Variants in STK39 observed in about 807,000 individuals in gnomAD.
STK39 encodes the protein serine/threonine kinase 39.
A neutral mutation model predicts 77.8 loss-of-function variants in STK39; 20 were observed. The observed-to-expected ratio is 0.26, with a 90% CI of 0.18 to 0.37. The LOEUF (loss-of-function observed/expected upper bound fraction) is 0.37. Among genes scored for constraint, STK39 ranks in the 10% least tolerant of loss-of-function variants. The pLI is 1.00. For missense variants in STK39, 479 were observed against 656.5 expected, an observed-to-expected ratio of 0.73 and a Z score of 2.95; for synonymous variants, 246 against 234.1, an observed-to-expected ratio of 1.05 and a Z score of -0.47.
At chr2:168,072,598 A>G (rs1685969513) in intron 12 of STK39, among the ~76,000 whole-genome samples, 1 of 152,254 alleles carries the variant, frequency 6.6e-6, no homozygotes, top group Admixed American at 6.5e-5. Context: ...TTTGCTCTGT[A>G]TTTCTCACTG....
intron 16 of STK39, among the ~76,000 whole-genome samples, chr2:167,966,600 C>T (rs1288839576): frequency 6.6e-6 from 1 of 152,112 alleles, no homozygotes; most frequent in East Asian, 1.9e-4. Flanking sequence ...ATTCACAACC[C>T]TCTCTCCGGT....
At chr2:168,082,034 T>C (rs188383127) in intron 10 of STK39, among the ~76,000 whole-genome samples, 2 of 152,280 alleles carry the variant, frequency 1.3e-5, no homozygotes, top group African/African-American at 2.4e-5. Flanking sequence ...TACTAACACA[T>C]ACTCACAGCC....
chr2:168,043,968 T>C (rs1236323283), intron 14 of STK39, among the ~76,000 whole-genome samples: 3 of 152,248 alleles, frequency 2.0e-5, no homozygotes, highest in East Asian at 1.9e-4. Flanking sequence ...GGCATTATTA[T>C]TGAGGATTTA....
intron 1 of STK39, among the ~76,000 whole-genome samples, chr2:168,182,568 G>C (rs1283248375): frequency 2.6e-5 from 4 of 152,114 alleles, no homozygotes; most frequent in African/African-American, 9.7e-5. Flanking sequence ...ATCAACCCTA[G>C]TATTCTCATG....
At chr2:168,074,960 T>C in intron 12 of STK39, 22 bp downstream of exon 12, 1 of 1,555,832 alleles carries the variant, frequency 6.4e-7, no homozygotes, top group African/African-American at 1.3e-5. Flanking sequence ...GGCAAAATAA[T>C]AAATAAATAG....
chr2:168,144,981 A>G lies in STK39; in HGVS notation c.629-4223T>C, dbSNP rs535421550. Among the ~76,000 whole-genome samples the G allele has an allele frequency of 1.8e-4, 23 of 127,138 alleles. 1 individual carries two copies. In the South Asian group the frequency reaches 5.3e-3, roughly 29 times the overall value. The allele number at this position is 127,138 out of a possible 152,430, so 83.4% of individuals were successfully genotyped here. ...AGGCAACAGAGTGAGCCCGTCTCAG[A>G]AAAAAAAAAAAAAGAATATTCCCAC... is the stretch of plus-strand genomic sequence containing the variant. On this transcript the variant is annotated intron_variant, in intron 5 of 17. Coordinates refer to ENST00000355999, the MANE Select transcript of STK39 (RefSeq NM_013233.3).
intron 10 of STK39, among the ~76,000 whole-genome samples, chr2:168,123,335 T>TA (rs893267264): frequency 1.3e-5 from 2 of 152,184 alleles, no homozygotes; most frequent in Non-Finnish European, 2.9e-5. Context: ...AAATAAGATC[T>TA]AAAAAATAAT....
chr2:168,115,149 G>T (rs1216295981), intron 10 of STK39, among the ~76,000 whole-genome samples: 1 of 152,096 alleles, frequency 6.6e-6, no homozygotes, highest in African/African-American at 2.4e-5. Flanking sequence ...AGAAGATCTG[G>T]AATTCTCTCT....
intron 14 of STK39, among the ~76,000 whole-genome samples, chr2:168,030,438 T>C (rs1456381027): frequency 6.6e-6 from 1 of 152,170 alleles, no homozygotes; most frequent in Non-Finnish European, 1.5e-5. Flanking sequence ...AATAGAAACA[T>C]ACTTTAATTT....
intron 1 of STK39, among the ~76,000 whole-genome samples, chr2:168,223,739 C>A (rs563026094): frequency 1.3e-5 from 2 of 152,124 alleles, no homozygotes; most frequent in African/African-American, 4.8e-5. Flanking sequence ...ATCACACCAA[C>A]CCTCGCAGGA....
intron 1 of STK39, among the ~76,000 whole-genome samples, chr2:168,233,098 T>A (rs1028533784): frequency 1.3e-5 from 2 of 152,206 alleles, no homozygotes; most frequent in African/African-American, 4.8e-5. Context: ...AGCCCCGATC[T>A]TGACTTATGC....
chr2:167,958,493 T>C (rs1299954776), intron 17 of STK39, among the ~76,000 whole-genome samples: 1 of 152,186 alleles, frequency 6.6e-6, no homozygotes, highest in African/African-American at 2.4e-5. Context: ...CCCTACCCAC[T>C]GCAAGAAAAC....
intron 5 of STK39, among the ~76,000 whole-genome samples, chr2:168,152,074 G>C (rs1688302538): frequency 6.6e-6 from 1 of 152,214 alleles, no homozygotes; most frequent in Non-Finnish European, 1.5e-5. Context: ...CAACAGAAGG[G>C]AAGGCTGGAG....
At chr2:167,986,543 A>G (rs910180185) in intron 16 of STK39, among the ~76,000 whole-genome samples, 2 of 152,218 alleles carry the variant, frequency 1.3e-5, no homozygotes, top group Non-Finnish European at 2.9e-5. Flanking sequence ...TCTTAGATAA[A>G]GAGAGAGGAT....
At chr2:168,011,444 A>C (rs1436760085) in intron 16 of STK39, among the ~76,000 whole-genome samples, 2 of 152,200 alleles carry the variant, frequency 1.3e-5, no homozygotes, top group Non-Finnish European at 2.9e-5. Context: ...AGTTAATATA[A>C]TTAATAATTA....
At chr2:168,223,526 A>AG (rs1470331588) in intron 1 of STK39, among the ~76,000 whole-genome samples, 13 of 151,702 alleles carry the variant, frequency 8.6e-5, no homozygotes, top group African/African-American at 1.7e-4. Flanking sequence ...AAAAAAAAAA[A>AG]AAAGAAAAGA....
intron 5 of STK39, among the ~76,000 whole-genome samples, chr2:168,144,959 C>T (rs992008076): frequency 1.4e-5 from 2 of 143,460 alleles, no homozygotes; most frequent in Non-Finnish European, 3.0e-5. Flanking sequence ...CCAGTCTAGG[C>T]AACAGAGTGA....
chr2:167,959,285 AT>A (rs1348135554), intron 17 of STK39, among the ~76,000 whole-genome samples: 154 of 143,816 alleles, frequency 1.1e-3, no homozygotes, highest in Middle Eastern at 3.6e-3. Flanking sequence ...TGTCCAGGTA[AT>A]TTTTTTTTTT....
chr2:168,006,191 C>T (rs988162606), intron 16 of STK39, among the ~76,000 whole-genome samples: 4 of 152,180 alleles, frequency 2.6e-5, no homozygotes, highest in Admixed American at 6.5e-5. Context: ...GCTTCTCTTC[C>T]GGTGTATACA....
Sources: allele counts gnomAD v4.1 joint callset (sites outside exome capture counted in the v4.1 genomes callset), GRCh38; gene constraint gnomAD v4.1.1; transcripts MANE v1.5; gene names NCBI Gene and HGNC (gene_info 2026-07-23, HGNC 2026-07-21).